CLSTN1: variants seen among roughly 807,000 people sequenced by gnomAD.
CLSTN1 encodes calsyntenin-1.
A neutral mutation model predicts 108.3 loss-of-function variants in CLSTN1; 28 were observed. That is an observed-to-expected ratio of 0.26 (90% CI 0.19 to 0.35). CLSTN1 has a LOEUF of 0.35. CLSTN1 is among the 10% of genes least tolerant of loss of function. CLSTN1 has a pLI of 1.00. For synonymous variants in CLSTN1, 524 were observed against 534.9 expected, an observed-to-expected ratio of 0.98 and a Z score of 0.28; for missense variants, 1,157 against 1,302.6, an observed-to-expected ratio of 0.89 and a Z score of 1.72.
intron 1 of CLSTN1, among the ~76,000 whole-genome samples, chr1:9,791,066 G>C (rs1255495329): frequency 6.7e-6 from 1 of 149,654 alleles, no homozygotes; most frequent in Non-Finnish European, 1.5e-5. Context: ...CGGGAGGCGG[G>C]AGGAGGCAGA....
rs530295266 is a variant in CLSTN1 at position 9,743,062 on chromosome 1, T to G, written c.1356+822A>C. On this transcript the variant is annotated intron_variant, in intron 9 of 18. Transcript: ENST00000377298. ...ATATTTTAGCAACTGCAGGCACATATAACATATGTCAGCTTTTGTCCACTA... is the reference window on the plus strand; with the variant it reads ...ATATTTTAGCAACTGCAGGCACATAGAACATATGTCAGCTTTTGTCCACTA... 2.6e-5 allele frequency among the ~76,000 whole-genome samples: 4 copies of G among 152,300 alleles called. No homozygotes were observed. The South Asian group carries it at 8.3e-4, about 32-fold the overall frequency.
At chr1:9,813,462 G>A (rs1319394034) in intron 1 of CLSTN1, among the ~76,000 whole-genome samples, 1 of 149,752 alleles carries the variant, frequency 6.7e-6, no homozygotes, top group Non-Finnish European at 1.5e-5. Flanking sequence ...TCATACCTCT[G>A]CACTCTAGCC....
rs145828746 is a variant in CLSTN1 at position 9,823,091 on chromosome 1, G to A, written c.91+552C>T. Among the ~76,000 whole-genome samples the A allele has an allele frequency of 2.0e-5, 3 of 152,344 alleles. No individual in the cohort carries two copies. The highest frequency in any genetic ancestry group is 2.9e-5 in the Non-Finnish European group (2 of 68,034). On this transcript the variant is annotated intron_variant, in intron 1 of 18. Transcript: ENST00000377298. The surrounding 1 kb of genome is among the most constrained non-coding windows in gnomAD (Gnocchi z 6.3). Reference sequence around the variant, plus strand: ...GGAGGCGGAAAGGGGCGAAGTCGTGGTGTCCGCGGTGCAGCAACACAGAAT... The same window carrying A: ...GGAGGCGGAAAGGGGCGAAGTCGTGATGTCCGCGGTGCAGCAACACAGAAT...
chr1:9,792,140 C>T (rs750791021), intron 1 of CLSTN1, among the ~76,000 whole-genome samples: 2 of 150,804 alleles, frequency 1.3e-5, no homozygotes, highest in Non-Finnish European at 2.9e-5. Flanking sequence ...TGAGATCGGT[C>T]GTGCCACTGC....
intron 10 of CLSTN1, among the ~76,000 whole-genome samples, chr1:9,740,793 A>C (rs564861890): frequency 6.6e-6 from 1 of 152,282 alleles, no homozygotes; most frequent in South Asian, 2.1e-4. Context: ...AAACGGATTA[A>C]TTTATAAAAC....
In CLSTN1 at chr1:9,744,661, G is replaced by A. The variant is rs72633876; in HGVS notation, c.986-18C>T. The A allele has an allele frequency of 1.4e-3, 2,262 of 1,596,656 alleles. 17 individuals carry two copies. The African/African-American group carries it at 0.019, about 14-fold the overall frequency. On this transcript the variant is annotated intron_variant, in intron 7 of 18. Transcript: ENST00000377298. ...GGCCGCACCTGAAGCCACAGTGCTC[G>A]GTGAAACTCATGTGAGGAGCCAGAG... is the stretch of plus-strand genomic sequence containing the variant.
intron 1 of CLSTN1, among the ~76,000 whole-genome samples, chr1:9,776,194 T>A (rs1041309904): frequency 1.3e-5 from 2 of 151,812 alleles, no homozygotes; most frequent in Non-Finnish European, 2.9e-5. Flanking sequence ...GTCTACCAAC[T>A]CCTGACCTCG....
At chr1:9,760,419 A>T (rs1165178079) in intron 2 of CLSTN1, among the ~76,000 whole-genome samples, 2 of 152,164 alleles carry the variant, frequency 1.3e-5, no homozygotes, top group African/African-American at 2.4e-5. Flanking sequence ...AGGGTCAGCC[A>T]GTACGCCTAC....
chr1:9,744,297 G>C, intron 8 of CLSTN1, 98 bp downstream of exon 8: 2 of 1,491,830 alleles, frequency 1.3e-6, no homozygotes, highest in Non-Finnish European at 1.8e-6. Flanking sequence ...CGAGCACCAG[G>C]CTGGCAGGGG....
At chr1:9,736,218 A>G (rs1436060981) in intron 11 of CLSTN1, among the ~76,000 whole-genome samples, 176 bp from the exon 12 acceptor site, 6 of 152,090 alleles carry the variant, frequency 3.9e-5, no homozygotes, top group African/African-American at 1.4e-4. Flanking sequence ...AAGAAATTAA[A>G]CCGTTTATGA....
chr1:9,772,105 T>G, intron 2 of CLSTN1, among the ~76,000 whole-genome samples: 2 of 136,052 alleles, frequency 1.5e-5, no homozygotes, highest in African/African-American at 5.6e-5. Flanking sequence ...GCCTCCGGAG[T>G]ACCTAGGACT....
At chr1:9,788,994 C>T (rs1275672048) in intron 1 of CLSTN1, among the ~76,000 whole-genome samples, 3 of 151,248 alleles carry the variant, frequency 2.0e-5, no homozygotes, top group Non-Finnish European at 4.4e-5. Flanking sequence ...TGCCCCCCTG[C>T]TGTGGCATGC....
chr1:9,732,449 T>C (rs1251549054), intron 16 of CLSTN1, among the ~76,000 whole-genome samples: 2 of 152,158 alleles, frequency 1.3e-5, no homozygotes, highest in East Asian at 1.9e-4. Context: ...CATGGGTCGT[T>C]TGGGAAGCAC....
chr1:9,816,890 G>A (rs575651632), intron 1 of CLSTN1, among the ~76,000 whole-genome samples: 2 of 152,128 alleles, frequency 1.3e-5, no homozygotes, highest in Non-Finnish European at 2.9e-5. Context: ...CAGATGATCC[G>A]CCCACCTCGG....
chr1:9,743,844 AC>A (rs1295327043), intron 9 of CLSTN1, 39 bp downstream of exon 9: 5 of 1,609,758 alleles, frequency 3.1e-6, no homozygotes, highest in Non-Finnish European at 4.2e-6. Flanking sequence ...AGGTGTGAGC[AC>A]CTTGCCCGGC....
chr1:9,799,073 C>G (rs1210127084), intron 1 of CLSTN1, among the ~76,000 whole-genome samples: 2 of 151,860 alleles, frequency 1.3e-5, no homozygotes, highest in Non-Finnish European at 2.9e-5. Context: ...CCCAGCTACT[C>G]AGGGAGCAGA....
chr1:9,790,102 A>T (rs1472090077), intron 1 of CLSTN1, among the ~76,000 whole-genome samples: 2 of 151,568 alleles, frequency 1.3e-5, no homozygotes, highest in African/African-American at 2.4e-5. Context: ...TGGTGTATCA[A>T]ATAATTTCAC....
intron 10 of CLSTN1, 36 bp downstream of exon 10, chr1:9,741,058 A>G: frequency 6.2e-7 from 1 of 1,600,710 alleles, no homozygotes; most frequent in Non-Finnish European, 8.5e-7. Flanking sequence ...GTACAACTTA[A>G]TTCTCGAGTC....
chr1:9,783,016 A>AAG (rs796467071), intron 1 of CLSTN1, among the ~76,000 whole-genome samples: 1 of 151,960 alleles, frequency 6.6e-6, no homozygotes, highest in Admixed American at 6.6e-5. Context: ...CAAAAAGAAA[A>AAG]AGAGAGAGAG....
Sources: allele counts gnomAD v4.1 joint callset (sites outside exome capture counted in the v4.1 genomes callset), GRCh38; gene constraint gnomAD v4.1.1; non-coding constraint Gnocchi (gnomAD v3.1); transcripts MANE v1.5; gene names NCBI Gene and HGNC (gene_info 2026-07-23, HGNC 2026-07-21).